ZFHX3: variants seen among roughly 807,000 people sequenced by gnomAD.
ZFHX3 encodes zinc finger homeobox protein 3.
A neutral mutation model predicts 279.1 loss-of-function variants in ZFHX3; 42 were observed. That is an observed-to-expected ratio of 0.15 (90% CI 0.12 to 0.19). The LOEUF (loss-of-function observed/expected upper bound fraction) is 0.19. Among genes scored for constraint, ZFHX3 ranks in the 10% least tolerant of loss-of-function variants. ZFHX3 has a pLI of 1.00. For missense variants in ZFHX3, 4,981 were observed against 4,754.0 expected, an observed-to-expected ratio of 1.05 and a Z score of -1.40; for synonymous variants, 2,293 against 1,957.8, an observed-to-expected ratio of 1.17 and a Z score of -4.52.
At chr16:73,847,331 C>A (rs1461164824) in intron 1 of ZFHX3, among the ~76,000 whole-genome samples, 2 of 152,106 alleles carry the variant, frequency 1.3e-5, no homozygotes, top group Non-Finnish European at 2.9e-5. Flanking sequence ...GATGACACTG[C>A]TTCCTGTCCT....
chr16:73,784,486 C>T (rs563985920), intron 1 of ZFHX3, among the ~76,000 whole-genome samples: 6 of 152,132 alleles, frequency 3.9e-5, no homozygotes, highest in East Asian at 1.9e-4. Flanking sequence ...CAGTGGCTCA[C>T]GTCTGTAATC....
chr16:72,919,951 G>C (rs972982359), intron 3 of ZFHX3, among the ~76,000 whole-genome samples: 1 of 151,506 alleles, frequency 6.6e-6, no homozygotes, highest in African/African-American at 2.4e-5. Flanking sequence ...CCGGTACTAT[G>C]CCCAGCTAAT....
At chr16:72,927,361 G>A (rs78626341) in intron 3 of ZFHX3, among the ~76,000 whole-genome samples, 14,657 of 151,878 alleles carry the variant, frequency 0.097, 908 homozygotes, top group African/African-American at 0.17. Context: ...CAATCCTCCC[G>A]ATTCATTCTC....
intron 1 of ZFHX3, among the ~76,000 whole-genome samples, chr16:73,682,905 AG>A (rs1157110142): frequency 0.072 from 1,194 of 16,698 alleles, 147 homozygotes; most frequent in African/African-American, 0.098. Context: ...AAAGAAAGAA[AG>A]AGAAAGAAAG....
intron 1 of ZFHX3, among the ~76,000 whole-genome samples, chr16:73,695,876 A>C (rs2142211962): frequency 6.6e-6 from 1 of 152,218 alleles, no homozygotes; most frequent in South Asian, 2.1e-4. Context: ...CTCGGCAAGA[A>C]GGACTCAGCT....
rs114461373 is a variant in ZFHX3 at position 73,606,933 on chromosome 16, T to C, written c.-1547+73247A>G. Among the ~76,000 whole-genome samples the C allele has an allele frequency of 6.0e-3, 916 of 152,302 alleles. 10 individuals carry two copies. The highest frequency in any genetic ancestry group is 0.021 in the African/African-American group (876 of 41,560). ...GAACTCGGCTGGGCACAGTGGCTCA[T>C]TCTTGTAATCTCCAGCTCTGAGCAA... is the stretch of plus-strand genomic sequence containing the variant. On this transcript the variant is annotated intron_variant, in intron 2 of 17. Coordinates refer to the ZFHX3 transcript ENST00000641206.
rs141939987 is a variant in ZFHX3, at chr16:72,970,127, C to T, written c.-49-9933G>A. ...CATGATATTCTGGTTACAGTGGAGTCGTGGAGGGCAACAGGAGAGAGTCGT... is the reference window on the plus strand; with the variant it reads ...CATGATATTCTGGTTACAGTGGAGTTGTGGAGGGCAACAGGAGAGAGTCGT... On this transcript the variant is annotated intron_variant, in intron 1 of 9. Transcript: ENST00000268489. 3.3e-3 allele frequency among the ~76,000 whole-genome samples: 498 copies of T among 152,120 alleles called. 3 individuals carry two copies. The highest frequency in any genetic ancestry group is 0.017 in the Middle Eastern group (5 of 292).
At chr16:73,359,199 T>A (rs1379422247) in intron 3 of ZFHX3, among the ~76,000 whole-genome samples, 6 of 115,980 alleles carry the variant, frequency 5.2e-5, no homozygotes, top group Admixed American at 1.7e-4. Flanking sequence ...TTTTTTTTTT[T>A]AAACAAAAAG....
chr16:73,150,632 C>G (rs1029487337), intron 5 of ZFHX3, among the ~76,000 whole-genome samples: 1 of 152,128 alleles, frequency 6.6e-6, no homozygotes, highest in Non-Finnish European at 1.5e-5. Context: ...AACATTTACA[C>G]GTCTTCATCT....
intron 3 of ZFHX3, among the ~76,000 whole-genome samples, chr16:72,905,648 C>G (rs1164450765): frequency 6.6e-6 from 1 of 152,122 alleles, no homozygotes; most frequent in Admixed American, 6.5e-5. Flanking sequence ...GTTCACCACA[C>G]ACACCTTTGC....
At chr16:73,552,190 G>C (rs898505431) in intron 2 of ZFHX3, among the ~76,000 whole-genome samples, 3 of 152,130 alleles carry the variant, frequency 2.0e-5, no homozygotes, top group African/African-American at 7.2e-5. Flanking sequence ...AGTTTTTAGT[G>C]GGACGAGATA....
At chr16:73,501,883 G>A (rs1454661430) in intron 2 of ZFHX3, among the ~76,000 whole-genome samples, 2 of 152,140 alleles carry the variant, frequency 1.3e-5, no homozygotes, top group East Asian at 1.9e-4. Flanking sequence ...GTGAGGAGCC[G>A]ACAGTAGCCT....
chr16:72,819,037 T>C (rs2143651036), intron 5 of ZFHX3, among the ~76,000 whole-genome samples: 1 of 152,332 alleles, frequency 6.6e-6, no homozygotes, highest in Non-Finnish European at 1.5e-5. Context: ...AGCTCTTAGT[T>C]GTTATTATTA....
At chr16:72,929,371 G>T (rs1003694777) in intron 3 of ZFHX3, among the ~76,000 whole-genome samples, 3 of 152,172 alleles carry the variant, frequency 2.0e-5, no homozygotes, top group African/African-American at 7.2e-5. Context: ...CCACCCGGGG[G>T]TGAGGGACTG....
At chr16:73,223,954 T>C (rs1292967407) in intron 5 of ZFHX3, among the ~76,000 whole-genome samples, 1 of 152,224 alleles carries the variant, frequency 6.6e-6, no homozygotes, top group Non-Finnish European at 1.5e-5. Flanking sequence ...TTATTCTAAC[T>C]ACATGTCATT....
chr16:73,429,494 G>T lies in ZFHX3; in HGVS notation c.-1291+26509C>A, dbSNP rs185337955. Among the ~76,000 whole-genome samples the T allele has an allele frequency of 7.2e-5, 11 of 151,834 alleles. No individual in the cohort carries two copies. In the East Asian group the frequency reaches 2.1e-3, roughly 30 times the overall value. On this transcript the variant is annotated intron_variant, in intron 3 of 17. Coordinates refer to the ZFHX3 transcript ENST00000641206. ...ATTACAGATGCCCGCCACCATGCCC[G>T]GCTGATTTTTGGATTTTTAGTAGAG...
intron 1 of ZFHX3, among the ~76,000 whole-genome samples, chr16:73,816,709 A>G (rs1960583839): frequency 6.6e-6 from 1 of 152,166 alleles, no homozygotes; most frequent in South Asian, 2.1e-4. Context: ...TTCCAAACAG[A>G]GAGAAAGGAT....
intron 4 of ZFHX3, among the ~76,000 whole-genome samples, chr16:72,865,209 C>T (rs569688129): frequency 6.6e-6 from 1 of 152,336 alleles, no homozygotes; most frequent in East Asian, 1.9e-4. Context: ...TTATGGATGA[C>T]TTCCATGTGC....
intron 3 of ZFHX3, among the ~76,000 whole-genome samples, chr16:73,426,204 CA>C (rs1298238543): frequency 6.6e-6 from 1 of 152,164 alleles, no homozygotes; most frequent in Non-Finnish European, 1.5e-5. Context: ...CTGGTGGGGC[CA>C]ATTAATCACT....
Sources: allele counts gnomAD v4.1 joint callset (sites outside exome capture counted in the v4.1 genomes callset), GRCh38; gene constraint gnomAD v4.1.1; transcripts MANE v1.5; gene names NCBI Gene and HGNC (gene_info 2026-07-23, HGNC 2026-07-21).